MYO1D: variants seen among roughly 807,000 people sequenced by gnomAD.
MYO1D encodes myosin ID.
A neutral mutation model predicts 122.0 loss-of-function variants in MYO1D; 83 were observed. The ratio of observed to expected loss-of-function variants is 0.68; its 90% CI spans 0.57 to 0.82. The LOEUF is 0.82. Ranked by LOEUF, MYO1D falls within the 40% of genes least tolerant of loss-of-function variation. The pLI is 0.00. For synonymous variants in MYO1D, 464 were observed against 446.9 expected, an observed-to-expected ratio of 1.04 and a Z score of -0.48; for missense variants, 1,157 against 1,269.5, an observed-to-expected ratio of 0.91 and a Z score of 1.35.
chr17:32,861,876 G>C (rs2091080161), intron 1 of MYO1D, among the ~76,000 whole-genome samples: 1 of 152,046 alleles, frequency 6.6e-6, no homozygotes, highest in South Asian at 2.1e-4. Context: ...AAATTAGCTG[G>C]GCATAGTGGT....
At chr17:32,653,976 G>C (rs1415387196) in intron 18 of MYO1D, 29 bp from the exon 19 acceptor site, 17 of 1,556,558 alleles carry the variant, frequency 1.1e-5, no homozygotes, top group Non-Finnish European at 1.4e-5. Context: ...AAGACAAAAT[G>C]AGTATGCTTA....
At chr17:32,863,860 T>G (rs2091098944) in intron 1 of MYO1D, among the ~76,000 whole-genome samples, 1 of 152,138 alleles carries the variant, frequency 6.6e-6, no homozygotes. Context: ...CATTAAAGGC[T>G]CAGAGAACTG....
chr17:32,829,873 G>A (rs1181867142), intron 1 of MYO1D, among the ~76,000 whole-genome samples: 4 of 151,996 alleles, frequency 2.6e-5, no homozygotes, highest in Non-Finnish European at 2.9e-5. Flanking sequence ...ATCATAAATC[G>A]GTCTCTCCAA....
chr17:32,673,857 A>C (rs1449533447), intron 16 of MYO1D, among the ~76,000 whole-genome samples: 2 of 152,200 alleles, frequency 1.3e-5, no homozygotes, highest in African/African-American at 4.8e-5. Flanking sequence ...GTGTCAATGT[A>C]TTAAATTGAA....
At position 32,721,082 on chromosome 17, in the gene MYO1D, A is replaced by G. The variant is rs774487319; in HGVS notation, c.1854T>C (p.Asn618=). ...CAAATCCTGCCCGACGCACTCTCAC[A>G]TTTTCCAGTAGTCCAAGATATTCTA... ...HQVEYLGLLE[N]VRVRRAGFAF... Residue 618 remains asparagine (N), a synonymous_variant, in exon 15 of 22, where the codon AAT becomes AAC. Transcript: ENST00000318217. 1.2e-6 allele frequency: 2 copies of G among 1,613,936 alleles called. No homozygotes were observed. Among genetic ancestry groups the G allele is most frequent in the Admixed American group, 1.7e-5 (1 of 59,986 alleles).
chr17:32,828,254 C>T (rs765993337), intron 1 of MYO1D, among the ~76,000 whole-genome samples: 8 of 152,124 alleles, frequency 5.3e-5, no homozygotes, highest in Non-Finnish European at 1.0e-4. Flanking sequence ...CAGTGGCTCA[C>T]GCCTGTAATC....
At chr17:32,596,439 G>A (rs72815010) in intron 21 of MYO1D, among the ~76,000 whole-genome samples, 1 of 152,286 alleles carries the variant, frequency 6.6e-6, no homozygotes, top group Non-Finnish European at 1.5e-5. Flanking sequence ...CTCTTGTCAT[G>A]AGGCCTCACC....
At chr17:32,773,349 C>T (rs529291981) in intron 4 of MYO1D, among the ~76,000 whole-genome samples, 54 of 152,236 alleles carry the variant, frequency 3.5e-4, no homozygotes, top group Non-Finnish European at 5.9e-4. Flanking sequence ...ACTTCAGCAC[C>T]GGTCACGGAT....
chr17:32,726,855 A>G (rs1035389454), intron 14 of MYO1D, among the ~76,000 whole-genome samples: 24 of 152,006 alleles, frequency 1.6e-4, no homozygotes, highest in Admixed American at 1.3e-3. Context: ...TTATTTTGGT[A>G]TATAATTAAA....
intron 21 of MYO1D, among the ~76,000 whole-genome samples, chr17:32,576,457 A>G (rs2087279142): frequency 6.6e-6 from 1 of 152,208 alleles, no homozygotes; most frequent in African/African-American, 2.4e-5. Context: ...ACAAAACTCT[A>G]AAGAGAATTC....
chr17:32,666,447 A>G (rs554483477), intron 16 of MYO1D, among the ~76,000 whole-genome samples: 1 of 152,320 alleles, frequency 6.6e-6, no homozygotes, highest in African/African-American at 2.4e-5. Flanking sequence ...AGATGTTAAG[A>G]GAGTGGATAT....
chr17:32,699,355 T>C (rs2089216943), intron 16 of MYO1D, among the ~76,000 whole-genome samples: 1 of 152,160 alleles, frequency 6.6e-6, no homozygotes, highest in South Asian at 2.1e-4. Context: ...GTTTCTGAAA[T>C]ATATGGGAAC....
rs748810199 is a variant in MYO1D, at chr17:32,659,266, G to A, written c.2194C>T (p.Arg732Trp). ...ATGTACGACTTCACTTTGTAGCGCC[G>A]GTAGTACCTGATTATTGTCAGAGCT... ...KAALTIIRYY[R>W]RYKVKSYIHE... The change falls in exon 17 of 22, where the codon CGG (arginine) becomes TGG (tryptophan). Residue 732 changes from arginine to tryptophan, a missense_variant. Physicochemically the swap from Arg to Trp is moderately radical, Grantham distance 101. Coordinates refer to ENST00000318217, the MANE Select transcript of MYO1D (RefSeq NM_015194.3). 3 of 1,614,202 alleles carry A rather than the reference G, an allele frequency of 1.9e-6. No individual in the cohort carries two copies. Among genetic ancestry groups the A allele is most frequent in the South Asian group, 1.1e-5 (1 of 91,070 alleles).
intron 17 of MYO1D, among the ~76,000 whole-genome samples, chr17:32,655,092 A>G (rs1370092380): frequency 1.3e-5 from 2 of 152,248 alleles, no homozygotes; most frequent in East Asian, 1.9e-4. Flanking sequence ...GCTAAAATAC[A>G]TATCATTTTA....
chr17:32,646,929 A>AAG (rs1241511305), intron 19 of MYO1D, among the ~76,000 whole-genome samples: 5 of 152,202 alleles, frequency 3.3e-5, no homozygotes, highest in African/African-American at 9.7e-5. Context: ...TATGGCAAAA[A>AAG]AGCACTCTTT....
chr17:32,684,418 C>G (rs547972770), intron 16 of MYO1D: 2 of 152,298 alleles, frequency 1.3e-5, no homozygotes, highest in Non-Finnish European at 2.9e-5. Flanking sequence ...TCCATGAGGA[C>G]AAGGACTATT....
intron 19 of MYO1D, among the ~76,000 whole-genome samples, chr17:32,640,123 G>A (rs149452990): frequency 6.6e-5 from 10 of 152,162 alleles, no homozygotes; most frequent in African/African-American, 2.4e-4. Flanking sequence ...AATAACCAAA[G>A]CACATTTTTT....
chr17:32,497,887 C>A lies in MYO1D; in HGVS notation c.2865-2972G>T, dbSNP rs553322520. Reference sequence around the variant, plus strand: ...GGCCCCTTTCCCTCTCCCTGTCCTACTTCTGCTGTGCCAGCCCCACAGCTG... The same window carrying A: ...GGCCCCTTTCCCTCTCCCTGTCCTAATTCTGCTGTGCCAGCCCCACAGCTG... On this transcript the variant is annotated intron_variant, in intron 21 of 21. Transcript: ENST00000318217. 2.0e-5 allele frequency: 3 copies of A among 152,608 alleles called. No homozygotes were observed. In the East Asian group the frequency reaches 5.8e-4, roughly 29 times the overall value. The allele number at this position is 152,608 out of a possible 1,614,324, so 9.5% of individuals were successfully genotyped here.
intron 21 of MYO1D, among the ~76,000 whole-genome samples, chr17:32,539,209 A>C (rs931673011): frequency 6.6e-6 from 1 of 151,512 alleles, no homozygotes; most frequent in Non-Finnish European, 1.5e-5. Context: ...TGGGAGGCCG[A>C]GGCAGGAGGA....
Sources: allele counts gnomAD v4.1 joint callset (sites outside exome capture counted in the v4.1 genomes callset), GRCh38; gene constraint gnomAD v4.1.1; transcripts MANE v1.5; gene names NCBI Gene and HGNC (gene_info 2026-07-23, HGNC 2026-07-21).